The following ATRNL1 variants were observed in gnomAD, a reference collection of about 807,000 sequenced individuals.
The protein encoded by ATRNL1 is attractin-like protein 1.
ATRNL1 carries 95 observed loss-of-function variants against 182.7 expected under a neutral mutation model. The ratio of observed to expected loss-of-function variants is 0.52; its 90% CI spans 0.44 to 0.62. The LOEUF (loss-of-function observed/expected upper bound fraction) is 0.62. Among genes scored for constraint, ATRNL1 ranks in the 20% least tolerant of loss-of-function variants. ATRNL1 has a pLI of 0.00. For missense variants in ATRNL1, 1,471 were observed against 1,679.5 expected, an observed-to-expected ratio of 0.88 and a Z score of 2.17; for synonymous variants, 576 against 568.3, an observed-to-expected ratio of 1.01 and a Z score of -0.19.
intron 26 of ATRNL1, among the ~76,000 whole-genome samples, chr10:115,701,345 C>CA (rs1324248438): frequency 6.6e-6 from 1 of 151,856 alleles, no homozygotes; most frequent in East Asian, 1.9e-4. Context: ...ACACCTACCT[C>CA]AAAAAATTAG....
At chr10:115,627,917 C>T (rs7075609) in intron 26 of ATRNL1, among the ~76,000 whole-genome samples, 45,602 of 151,720 alleles carry the variant, frequency 0.3, 8,008 homozygotes, top group East Asian at 0.7. Flanking sequence ...TTGGCTGAGG[C>T]GGGCAGATCA....
intron 24 of ATRNL1, among the ~76,000 whole-genome samples, chr10:115,495,307 C>T (rs1349792013): frequency 6.6e-6 from 1 of 151,976 alleles, no homozygotes; most frequent in Non-Finnish European, 1.5e-5. Flanking sequence ...GATTTTGTGT[C>T]TCACTATCCT....
intron 27 of ATRNL1, among the ~76,000 whole-genome samples, chr10:115,738,153 T>TG (rs1948025783): frequency 8.8e-6 from 1 of 113,670 alleles, no homozygotes; most frequent in African/African-American, 3.2e-5. Context: ...TTTTTTTTTT[T>TG]TTTGAGATGG....
Position 115,093,679 on chromosome 10 carries a change from C to A in ATRNL1, c.-72C>A. ...CGGCGGCGGAGAGGTTTTCTGCGGC[C>A]GGAATTCCCTTCAACAGCATCCCTG... On this transcript the variant is annotated 5_prime_UTR_variant, in exon 1 of 29. Coordinates refer to ENST00000355044, the MANE Select transcript of ATRNL1 (RefSeq NM_207303.4). This position sits in a 1 kb window ranked among gnomAD's most constrained non-coding sequence, Gnocchi z 6.1. 7.0e-7 allele frequency: 1 copy of A among 1,426,776 alleles called. No individual in the cohort carries two copies. Among genetic ancestry groups the A allele is most frequent in the Non-Finnish European group, 9.3e-7 (1 of 1,071,726 alleles). 88.4% of individuals were successfully genotyped at this position (1,426,776 alleles called of 1,614,324 possible). A position where few individuals can be genotyped will look rare whatever the true frequency, so the allele number is the denominator to read the frequency against.
intron 28 of ATRNL1, among the ~76,000 whole-genome samples, chr10:115,887,932 C>T (rs1951989325): frequency 6.6e-6 from 1 of 152,078 alleles, no homozygotes; most frequent in Non-Finnish European, 1.5e-5. Flanking sequence ...TTCTTATCCC[C>T]TCTAGTTTAT....
Position 115,947,198 on chromosome 10 carries a change from A to G in ATRNL1, c.*2419A>G, listed in dbSNP as rs1555126044. On this transcript the variant is annotated 3_prime_UTR_variant, in exon 29 of 29. Transcript: ENST00000355044. ...AAGACATCAAGGATCAAGGATAATC[A>G]CTTTGAATCTGTTGGTTTTTCCCCC... 6.6e-6 allele frequency: 1 copy of G among 152,604 alleles called. No homozygotes were observed. Among genetic ancestry groups the G allele is most frequent in the Non-Finnish European group, 1.5e-5 (1 of 68,038 alleles). 9.5% of individuals were successfully genotyped at this position (152,604 alleles called of 1,614,324 possible).
intron 8 of ATRNL1, among the ~76,000 whole-genome samples, chr10:115,199,119 T>A (rs1848462546): frequency 6.6e-6 from 1 of 152,180 alleles, no homozygotes; most frequent in Admixed American, 6.6e-5. Flanking sequence ...ACAATATTAA[T>A]TTTTCCAGTC....
chr10:115,239,913 CACTCCTAG>C (rs1244024067), intron 9 of ATRNL1, among the ~76,000 whole-genome samples: 2 of 152,098 alleles, frequency 1.3e-5, no homozygotes, highest in African/African-American at 2.4e-5. Context: ...GGTATCCTGC[CACTCCTAG>C]TGAGATATCG....
At chr10:115,894,883 G>A (rs1555112126) in intron 28 of ATRNL1, among the ~76,000 whole-genome samples, 1 of 152,124 alleles carries the variant, frequency 6.6e-6, no homozygotes, top group Non-Finnish European at 1.5e-5. Context: ...TCCCCTGGTA[G>A]TTAATTACTA....
intron 8 of ATRNL1, among the ~76,000 whole-genome samples, chr10:115,209,599 T>C (rs1848942044): frequency 6.6e-6 from 1 of 151,678 alleles, no homozygotes; most frequent in South Asian, 2.1e-4. Context: ...CTGTCTTTTC[T>C]CATTAATGAC....
At chr10:115,854,281 A>G (rs1555101277) in intron 28 of ATRNL1, among the ~76,000 whole-genome samples, 1 of 152,194 alleles carries the variant, frequency 6.6e-6, no homozygotes, top group African/African-American at 2.4e-5. Context: ...GCATCTCTGT[A>G]GTGTTTGACT....
chr10:115,893,976 AT>A (rs1172731025), intron 28 of ATRNL1, among the ~76,000 whole-genome samples: 5 of 152,138 alleles, frequency 3.3e-5, no homozygotes, highest in Non-Finnish European at 7.4e-5. Flanking sequence ...AAAAAAAAAA[AT>A]CTTAGGAAAG....
intron 10 of ATRNL1, among the ~76,000 whole-genome samples, chr10:115,247,121 C>T (rs918007794): frequency 3.1e-4 from 47 of 152,066 alleles, no homozygotes; most frequent in African/African-American, 1.1e-3. Context: ...CTGCAAAAGG[C>T]CGCAACAGCA....
chr10:115,189,474 G>A (rs137933022), intron 8 of ATRNL1, among the ~76,000 whole-genome samples: 1,788 of 152,212 alleles, frequency 0.012, 33 homozygotes, highest in African/African-American at 0.04. Context: ...TGTGGAGGTG[G>A]AAGACAGTGA....
chr10:115,249,338 T>TATAC (rs1407797067), intron 10 of ATRNL1, among the ~76,000 whole-genome samples: 52 of 151,664 alleles, frequency 3.4e-4, no homozygotes, highest in African/African-American at 1.2e-3. Context: ...GATATATATA[T>TATAC]ACACACACAC....
intron 24 of ATRNL1, among the ~76,000 whole-genome samples, chr10:115,487,101 TCTGTTTTGGTACCAGTACCATG>T (rs1849064714): frequency 6.6e-6 from 1 of 152,154 alleles, no homozygotes; most frequent in East Asian, 1.9e-4. Flanking sequence ...GGTCTATATA[TCTGTTTTGGTACCAGTACCATG>T]CTGTTTTGGT....
rs185685547 is a variant in ATRNL1, at chr10:115,689,215, T to A, written c.3796-38033T>A. On this transcript the variant is annotated intron_variant, in intron 26 of 28. Coordinates refer to ENST00000355044, the MANE Select transcript of ATRNL1 (RefSeq NM_207303.4). The stretch of plus-strand genomic sequence containing the variant: ...TTGTTTACCATAACCTTATAATATG[T>A]TTTGAAGTCAAGTACTGTGATGGCT... Among the ~76,000 whole-genome samples, 30 of 152,262 alleles carry A rather than the reference T, an allele frequency of 2.0e-4. No homozygotes were observed. In the East Asian group the frequency reaches 4.3e-3, roughly 22 times the overall value.
At chr10:115,103,311 T>TTGAAA (rs1404674226) in intron 1 of ATRNL1, among the ~76,000 whole-genome samples, 1 of 152,164 alleles carries the variant, frequency 6.6e-6, no homozygotes, top group Non-Finnish European at 1.5e-5. Context: ...AGTGCTGGGA[T>TTGAAA]TACAGATGTG....
intron 24 of ATRNL1, among the ~76,000 whole-genome samples, chr10:115,482,357 A>G (rs1354998062): frequency 6.6e-6 from 1 of 151,048 alleles, no homozygotes; most frequent in Non-Finnish European, 1.5e-5. Context: ...TTGCTCTACA[A>G]GAGTTGCTTA....
Sources: gnomAD v4.1 joint callset for allele counts (sites outside exome capture counted in the v4.1 genomes callset) on GRCh38, gnomAD v4.1.1 for gene constraint, Gnocchi (gnomAD v3.1) non-coding constraint, MANE v1.5 for transcripts, NCBI Gene and HGNC (gene_info 2026-07-23, HGNC 2026-07-21) for gene names.